NRXN1: variants seen among roughly 807,000 people sequenced by gnomAD.
NRXN1 encodes neurexin 1.
NRXN1 carries 39 observed loss-of-function variants against 150.9 expected under a neutral mutation model. The observed-to-expected ratio is 0.26, with a 90% CI of 0.20 to 0.34. NRXN1 has a LOEUF of 0.34. Ranked by LOEUF, NRXN1 falls within the 10% of genes least tolerant of loss-of-function variation. NRXN1 has a pLI of 1.00. For synonymous variants in NRXN1, 924 were observed against 757.0 expected (o/e 1.22, Z -3.62); for missense variants, 1,815 against 1,949.9 (o/e 0.93, Z 1.30).
At chr2:50,685,757 T>C (rs1460703360) in intron 5 of NRXN1, among the ~76,000 whole-genome samples, 2 of 152,142 alleles carry the variant, frequency 1.3e-5, no homozygotes, top group Non-Finnish European at 2.9e-5. Flanking sequence ...ACTTGTACCA[T>C]GTTCTTATTT....
intron 17 of NRXN1, among the ~76,000 whole-genome samples, chr2:50,367,076 C>G (rs756618525): frequency 2.0e-5 from 3 of 151,952 alleles, no homozygotes; most frequent in Non-Finnish European, 2.9e-5. Flanking sequence ...AAGTAGGGAA[C>G]ATATTATTTG....
At chr2:50,097,520 G>T (rs900788764) in intron 18 of NRXN1, among the ~76,000 whole-genome samples, 2 of 152,166 alleles carry the variant, frequency 1.3e-5, no homozygotes, top group African/African-American at 4.8e-5. Context: ...GGCATGAAGG[G>T]GAGTCTGGAG....
At chr2:50,614,553 G>A (rs149475804) in intron 8 of NRXN1, among the ~76,000 whole-genome samples, 45 of 151,072 alleles carry the variant, frequency 3.0e-4, no homozygotes, top group African/African-American at 1.0e-3. Context: ...GAGTTAATGG[G>A]TGCAGCACAC....
intron 5 of NRXN1, among the ~76,000 whole-genome samples, chr2:50,716,213 G>A (rs929433666): frequency 6.6e-6 from 1 of 152,134 alleles, no homozygotes; most frequent in African/African-American, 2.4e-5. Context: ...TGCATAGTGT[G>A]CCATTTCAGT....
chr2:50,648,571 C>T (rs957010036), intron 5 of NRXN1, among the ~76,000 whole-genome samples: 3 of 151,862 alleles, frequency 2.0e-5, no homozygotes, highest in African/African-American at 7.2e-5. Context: ...AAAGATGGCA[C>T]GTGAGCCGCT....
chr2:50,021,574 T>G (rs563160119), intron 21 of NRXN1, among the ~76,000 whole-genome samples: 21 of 152,178 alleles, frequency 1.4e-4, no homozygotes, highest in Non-Finnish European at 3.1e-4. Flanking sequence ...AATAAATTAT[T>G]AGAGACTCAA....
At chr2:50,182,967 A>C (rs2152813249) in intron 18 of NRXN1, among the ~76,000 whole-genome samples, 1 of 152,174 alleles carries the variant, frequency 6.6e-6, no homozygotes, top group African/African-American at 2.4e-5. Flanking sequence ...GTTTATAGCA[A>C]GGGAAACTAA....
intron 21 of NRXN1, among the ~76,000 whole-genome samples, chr2:49,970,960 T>C (rs1203675287): frequency 1.3e-5 from 2 of 152,252 alleles, no homozygotes; most frequent in East Asian, 3.9e-4. Flanking sequence ...TATGATTAAA[T>C]ATTCATTAAC....
chr2:50,753,972 G>C (rs1038476943), intron 5 of NRXN1, among the ~76,000 whole-genome samples: 2 of 135,094 alleles, frequency 1.5e-5, no homozygotes, highest in East Asian at 2.5e-4. Context: ...TTTGGGGGGG[G>C]GCGGAATTCC....
intron 21 of NRXN1, among the ~76,000 whole-genome samples, chr2:49,953,637 T>C (rs1344725968): frequency 6.6e-6 from 1 of 152,146 alleles, no homozygotes; most frequent in Non-Finnish European, 1.5e-5. Flanking sequence ...TTCTGTGTTC[T>C]AAACATGACA....
At chr2:50,571,952 C>T (rs1488885762) in intron 8 of NRXN1, among the ~76,000 whole-genome samples, 1 of 152,126 alleles carries the variant, frequency 6.6e-6, no homozygotes, top group Non-Finnish European at 1.5e-5. Flanking sequence ...ACTCTGAAAG[C>T]CTCTCAGAGT....
chr2:50,571,415 A>T (rs535402057), intron 8 of NRXN1, among the ~76,000 whole-genome samples: 1 of 152,186 alleles, frequency 6.6e-6, no homozygotes, highest in South Asian at 2.1e-4. Flanking sequence ...TTTGAGGTTA[A>T]ACCTGTGTAT....
At chr2:50,883,940 G>C (rs1679834506) in intron 5 of NRXN1, among the ~76,000 whole-genome samples, 1 of 151,784 alleles carries the variant, frequency 6.6e-6, no homozygotes, top group South Asian at 2.1e-4. Context: ...CAGGAAGGGA[G>C]CACCAGGATG....
chr2:50,615,879 A>T (rs868655021), intron 8 of NRXN1: 1 of 152,186 alleles, frequency 6.6e-6, no homozygotes, highest in African/African-American at 2.4e-5. Context: ...AAAATGATCG[A>T]AAATTCTTAA....
At chr2:50,575,966 A>C (rs538521433) in intron 8 of NRXN1, among the ~76,000 whole-genome samples, 1 of 152,184 alleles carries the variant, frequency 6.6e-6, no homozygotes, top group Non-Finnish European at 1.5e-5. Flanking sequence ...TCTAACCTCT[A>C]GACCTTGCTT....
intron 2 of NRXN1, among the ~76,000 whole-genome samples, chr2:51,014,809 A>G (rs1668419207): frequency 6.6e-6 from 1 of 152,026 alleles, no homozygotes; most frequent in African/African-American, 2.4e-5. Context: ...TGTAGAGTAG[A>G]CCAAATGAAT....
At chr2:50,309,666 C>T (rs2074995328) in intron 17 of NRXN1, among the ~76,000 whole-genome samples, 1 of 152,108 alleles carries the variant, frequency 6.6e-6, no homozygotes, top group African/African-American at 2.4e-5. Flanking sequence ...AGAGAGGCGA[C>T]ATGCTTCCAG....
intron 16 of NRXN1, among the ~76,000 whole-genome samples, chr2:50,470,509 A>T (rs191231857): frequency 9.9e-5 from 15 of 152,002 alleles, no homozygotes; most frequent in African/African-American, 3.6e-4. Context: ...CATGCTGCAC[A>T]GAGGAAAAAA....
At chr2:50,439,816 C>CAA (rs57765606) in intron 17 of NRXN1, among the ~76,000 whole-genome samples, 1,594 of 126,152 alleles carry the variant, frequency 0.013, 21 homozygotes, top group African/African-American at 0.042. Flanking sequence ...GACTCTGTCT[C>CAA]AAAAAAAAAA....
Sources: allele counts gnomAD v4.1 joint callset (sites outside exome capture counted in the v4.1 genomes callset), GRCh38; gene constraint gnomAD v4.1.1; transcripts MANE v1.5; gene names NCBI Gene and HGNC (gene_info 2026-07-23, HGNC 2026-07-21).